SLC1A4: variants seen among roughly 807,000 people sequenced by gnomAD.
SLC1A4 encodes the protein neutral amino acid transporter A.
Under a neutral mutation model 37.7 loss-of-function variants are expected in SLC1A4, and 19 were observed. The ratio of observed to expected loss-of-function variants is 0.50; its 90% CI spans 0.35 to 0.74. The LOEUF (loss-of-function observed/expected upper bound fraction) is 0.74. Ranked by LOEUF, SLC1A4 falls within the 30% of genes least tolerant of loss-of-function variation. The probability of loss-of-function intolerance (pLI) is 0.01; values close to 1 mark genes in which losing one functional copy is unlikely to be tolerated. For synonymous variants in SLC1A4, 299 were observed against 309.8 expected (o/e 0.97, Z 0.37); for missense variants, 570 against 712.9 (o/e 0.80, Z 2.28).
In SLC1A4 at chr2:65,018,170, C is replaced by T. The variant is rs1261257729; in HGVS notation, c.1134C>T (p.Asn378=). ...TTCTCCCCATCGGGGCCACCGTGAA[C>T]ATGGACGGAGCAGCCATCTTCCAGT... The part of the protein sequence containing the change: ...RFILPIGATV[N]MDGAAIFQCV... Residue 378 remains asparagine, a synonymous_variant, in exon 6 of 8, where the codon AAC becomes AAT. Coordinates refer to ENST00000234256, the MANE Select transcript of SLC1A4 (RefSeq NM_003038.5). The surrounding 1 kb of genome is among the most constrained non-coding windows in gnomAD (Gnocchi z 4.3). 6.2e-7 allele frequency: 1 copy of T among 1,614,214 alleles called. No homozygotes were observed. The highest frequency in any genetic ancestry group is 8.5e-7 in the Non-Finnish European group (1 of 1,180,038).
intron 1 of SLC1A4, among the ~76,000 whole-genome samples, chr2:64,991,814 G>A (rs913061080): frequency 1.3e-5 from 2 of 152,090 alleles, no homozygotes; most frequent in Non-Finnish European, 2.9e-5. Flanking sequence ...TGTTAGCCAG[G>A]ATGGTCTTGA....
At position 65,023,095 on chromosome 2, in the gene SLC1A4, G is replaced by A. The variant is rs1674490343; in HGVS notation, c.*1949G>A. Reference sequence around the variant, plus strand: ...ACCAGCTAAGCCATTCCAGTCTCCTGTGAAGCCAAAAGGGACCAGGAACCG... The same window carrying A: ...ACCAGCTAAGCCATTCCAGTCTCCTATGAAGCCAAAAGGGACCAGGAACCG... On this transcript the variant is annotated 3_prime_UTR_variant, in exon 8 of 8. Coordinates refer to ENST00000234256, the MANE Select transcript of SLC1A4 (RefSeq NM_003038.5). The A allele has an allele frequency of 6.6e-6, 1 of 152,234 alleles. No individual in the cohort carries two copies. The highest frequency in any genetic ancestry group is 6.5e-5 in the Admixed American group (1 of 15,284). The allele number at this position is 152,234 out of a possible 1,614,324, so 9.4% of individuals were successfully genotyped here. A position where few individuals can be genotyped will look rare whatever the true frequency, so the allele number is the denominator to read the frequency against.
intron 4 of SLC1A4, among the ~76,000 whole-genome samples, chr2:65,013,464 C>T (rs1210689999): frequency 7.2e-5 from 11 of 152,154 alleles, no homozygotes; most frequent in Admixed American, 2.0e-4. Context: ...TCAGGTGATC[C>T]GCCCACCTTG....
At chr2:64,993,880 G>C (rs1572942102) in intron 1 of SLC1A4, among the ~76,000 whole-genome samples, 1 of 152,224 alleles carries the variant, frequency 6.6e-6, no homozygotes, top group Non-Finnish European at 1.5e-5. Flanking sequence ...TGTTAGAACA[G>C]TGCTGGCCCA....
intron 1 of SLC1A4, among the ~76,000 whole-genome samples, chr2:64,993,845 C>T (rs959772803): frequency 1.6e-4 from 24 of 152,190 alleles, no homozygotes; most frequent in Admixed American, 6.5e-5. Flanking sequence ...TCTAAGAGCT[C>T]TAAAGCTCTT....
intron 3 of SLC1A4, among the ~76,000 whole-genome samples, chr2:65,004,423 A>ATTAT (rs141003389): frequency 0.036 from 5,329 of 149,542 alleles, 151 homozygotes; most frequent in South Asian, 0.13. Context: ...CTAATATTTT[A>ATTAT]TTATTTATTT....
intron 2 of SLC1A4, 144 bp from the exon 3 acceptor site, chr2:65,003,809 G>A: frequency 1.6e-6 from 1 of 623,426 alleles, no homozygotes; most frequent in Non-Finnish European, 2.9e-6. Flanking sequence ...AGAGGCTTTT[G>A]TCAGGCCAGC....
At position 65,001,447 on chromosome 2, in the gene SLC1A4, GAAAC is replaced by G; in HGVS notation, c.528_531del (p.Arg176SerfsTer22). The G allele has an allele frequency of 6.2e-7, 1 of 1,613,808 alleles. No individual in the cohort carries two copies. Among genetic ancestry groups the G allele is most frequent in the South Asian group, 1.1e-5 (1 of 91,054 alleles). On this transcript the variant is annotated frameshift_variant and splice_region_variant, in exon 2 of 8. Transcript: ENST00000234256. LOFTEE classifies it high-confidence loss of function. Reference sequence around the variant, plus strand: ...TGACAGAATGCTTTCTTTTCCAACAGAAACCTGTTTCCCTCCAATCTTGTGGTTG... The same window carrying G: ...TGACAGAATGCTTTCTTTTCCAACAGCTGTTTCCCTCCAATCTTGTGGTTG...
chr2:65,007,682 C>A (rs1029650763), intron 3 of SLC1A4, among the ~76,000 whole-genome samples: 8 of 152,142 alleles, frequency 5.3e-5, no homozygotes, highest in Non-Finnish European at 1.0e-4. Context: ...ATTGTTAAAA[C>A]AATTTTCTTA....
In SLC1A4 at chr2:65,023,029, C is replaced by CA. The variant is rs1423898831; in HGVS notation, c.*1884dup. The CA allele has an allele frequency of 6.6e-6, 1 of 152,246 alleles. No homozygotes were observed. The highest frequency in any genetic ancestry group is 2.4e-5 in the African/African-American group (1 of 41,436). 9.4% of individuals were successfully genotyped at this position (152,246 alleles called of 1,614,324 possible). On this transcript the variant is annotated 3_prime_UTR_variant, in exon 8 of 8. Coordinates refer to ENST00000234256, the MANE Select transcript of SLC1A4 (RefSeq NM_003038.5). ...AAGGGTGAAGAAGAGCCATGGGACA[C>CA]AGAGTTGACCCAGCCAGGGGGAAAG...
upstream of SLC1A4, among the ~76,000 whole-genome samples, chr2:64,989,034 G>A (rs931594425): frequency 1.3e-5 from 2 of 150,912 alleles, no homozygotes; most frequent in Non-Finnish European, 3.0e-5. Context: ...GATCCCGGCC[G>A]CGGGAGAGGG....
At chr2:64,990,650 G>A (rs1673016748) in intron 1 of SLC1A4, among the ~76,000 whole-genome samples, 1 of 152,194 alleles carries the variant, frequency 6.6e-6, no homozygotes, top group Non-Finnish European at 1.5e-5. Flanking sequence ...CCTTGGCTGC[G>A]AAGGAAGCTG....
Position 65,021,694 on chromosome 2 carries a change from G to C in SLC1A4, c.*548G>C, listed in dbSNP as rs1459066847. 6.5e-6 allele frequency: 1 copy of C among 154,096 alleles called. No individual in the cohort carries two copies. The highest frequency in any genetic ancestry group is 1.4e-5 in the Non-Finnish European group (1 of 69,450). 9.5% of individuals were successfully genotyped at this position (154,096 alleles called of 1,614,324 possible). ...GGTGTGGATAGCTTCTGATCCCTGG[G>C]TTCTGGGAGACTGCAGGTGCCGCAC... On this transcript the variant is annotated 3_prime_UTR_variant, in exon 8 of 8. Transcript: ENST00000234256.
chr2:65,010,463 C>A (rs1302705067), intron 3 of SLC1A4, 134 bp from the exon 4 acceptor site: 1 of 730,368 alleles, frequency 1.4e-6, no homozygotes, highest in Admixed American at 2.9e-5. Context: ...TGCAGAATTG[C>A]TAATTGTTAA....
rs1674420727 is a variant in SLC1A4, at chr2:65,021,475, G to A, written c.*329G>A. The A allele has an allele frequency of 9.9e-6, 3 of 304,176 alleles. No homozygotes were observed. The highest frequency in any genetic ancestry group is 9.3e-5 in the Admixed American group (2 of 21,476). 18.8% of individuals were successfully genotyped at this position (304,176 alleles called of 1,614,324 possible). ...ACAGGGTCCTGTGTGGTTACATCTT[G>A]GAAAAAATGCAGATGTATTTCACTC... On this transcript the variant is annotated 3_prime_UTR_variant, in exon 8 of 8. Coordinates refer to ENST00000234256, the MANE Select transcript of SLC1A4 (RefSeq NM_003038.5).
At chr2:65,005,386 G>T (rs893313100) in intron 3 of SLC1A4, among the ~76,000 whole-genome samples, 10 of 152,184 alleles carry the variant, frequency 6.6e-5, no homozygotes, top group African/African-American at 9.7e-5. Context: ...CCAGTCAGTG[G>T]CTCCTGATTT....
intron 1 of SLC1A4, among the ~76,000 whole-genome samples, chr2:64,993,227 C>T (rs150925757): frequency 1.3e-5 from 2 of 152,336 alleles, no homozygotes; most frequent in East Asian, 3.9e-4. Context: ...AGGCTTTGTG[C>T]TAAAGTCCAT....
Position 65,018,468 on chromosome 2 carries a change from C to T in SLC1A4, c.1230-77C>T. The T allele has an allele frequency of 6.4e-7, 1 of 1,571,216 alleles. No homozygotes were observed. Among genetic ancestry groups the T allele is most frequent in the African/African-American group, 1.3e-5 (1 of 74,112 alleles). Reference sequence around the variant, plus strand: ...CGGTTTTTAGTTTCCAGCCACATTGCAGCTGCATGGTCTGCATTTCTCTGT... The same window carrying T: ...CGGTTTTTAGTTTCCAGCCACATTGTAGCTGCATGGTCTGCATTTCTCTGT... On this transcript the variant is annotated intron_variant, in intron 6 of 7. Transcript: ENST00000234256. The surrounding 1 kb of genome is among the most constrained non-coding windows in gnomAD (Gnocchi z 4.3).
intron 4 of SLC1A4, chr2:65,011,620 A>C (rs1673922786): frequency 6.6e-6 from 1 of 152,098 alleles, no homozygotes. Flanking sequence ...TATCAATGAA[A>C]GCATGATTGT....
Sources: gnomAD v4.1 joint callset for allele counts (sites outside exome capture counted in the v4.1 genomes callset) on GRCh38, gnomAD v4.1.1 for gene constraint, Gnocchi (gnomAD v3.1) non-coding constraint, MANE v1.5 for transcripts, NCBI Gene and HGNC (gene_info 2026-07-23, HGNC 2026-07-21) for gene names.